Variants in MYO18B observed in about 807,000 individuals in gnomAD.
MYO18B encodes the protein myosin XVIIIB.
In MYO18B, 204 loss-of-function variants were observed where a neutral mutation model predicts 273.0. The ratio of observed to expected loss-of-function variants is 0.75; its 90% CI spans 0.67 to 0.84. The LOEUF is 0.84. MYO18B is among the 40% of genes least tolerant of loss of function. The probability of loss-of-function intolerance (pLI) is 0.00; values close to 1 mark genes in which losing one functional copy is unlikely to be tolerated. For synonymous variants in MYO18B, 1,330 were observed against 1,305.7 expected, an observed-to-expected ratio of 1.02 and a Z score of -0.40; for missense variants, 3,212 against 3,287.6, an observed-to-expected ratio of 0.98 and a Z score of 0.56.
chr22:26,015,433 A>G (rs1021137812), intron 42 of MYO18B, among the ~76,000 whole-genome samples: 2 of 152,266 alleles, frequency 1.3e-5, no homozygotes, highest in Admixed American at 6.5e-5. Flanking sequence ...GGATAAAGAA[A>G]ATGTGGTACA....
At chr22:25,809,218 C>T (rs2088622708) in intron 12 of MYO18B, among the ~76,000 whole-genome samples, 1 of 152,170 alleles carries the variant, frequency 6.6e-6, no homozygotes, top group South Asian at 2.1e-4. Flanking sequence ...GCTGGGATTA[C>T]AGGAGTGAGC....
At chr22:25,855,892 T>C (rs1168361312) in intron 21 of MYO18B, among the ~76,000 whole-genome samples, 2 of 151,836 alleles carry the variant, frequency 1.3e-5, no homozygotes, top group Admixed American at 1.3e-4. Flanking sequence ...ATTATCTAGG[T>C]AAATTTCATG....
intron 8 of MYO18B, among the ~76,000 whole-genome samples, chr22:25,778,735 A>T (rs978468059): frequency 1.3e-5 from 2 of 150,194 alleles, no homozygotes; most frequent in Non-Finnish European, 3.0e-5. Flanking sequence ...CAAGTGATCC[A>T]CCCACCTTGG....
intron 38 of MYO18B, among the ~76,000 whole-genome samples, chr22:25,953,381 T>A (rs1402623485): frequency 6.6e-6 from 1 of 152,202 alleles, no homozygotes; most frequent in Non-Finnish European, 1.5e-5. Context: ...GATGGACACC[T>A]GACCTTCACT....
chr22:25,827,029 T>A (rs1247245390), intron 14 of MYO18B, among the ~76,000 whole-genome samples: 2 of 152,162 alleles, frequency 1.3e-5, no homozygotes, highest in Non-Finnish European at 2.9e-5. Context: ...GCCACCACAC[T>A]CTAGCCTGGG....
chr22:26,047,615 ACCAGT>A, the MYO18B span, among the ~76,000 whole-genome samples: 14 of 152,198 alleles, frequency 9.2e-5, no homozygotes, highest in Non-Finnish European at 1.9e-4. Flanking sequence ...GTTTCAAGTG[ACCAGT>A]CCAAACAGAT....
At chr22:25,820,280 C>G (rs915170410) in intron 12 of MYO18B, among the ~76,000 whole-genome samples, 2 of 151,802 alleles carry the variant, frequency 1.3e-5, no homozygotes, top group Admixed American at 6.6e-5. Flanking sequence ...TGTCAGTAAG[C>G]AATATCTATT....
intron 12 of MYO18B, among the ~76,000 whole-genome samples, chr22:25,802,831 C>T (rs2088277077): frequency 6.6e-6 from 1 of 151,542 alleles, no homozygotes; most frequent in Non-Finnish European, 1.5e-5. Flanking sequence ...GCAATGCTTT[C>T]CCCCAGCCAT....
intron 1 of MYO18B, among the ~76,000 whole-genome samples, chr22:25,759,539 G>C (rs928586272): frequency 3.9e-5 from 6 of 152,180 alleles, no homozygotes; most frequent in Admixed American, 2.0e-4. Context: ...GACTAGGGGA[G>C]GGAGAGCATT....
At chr22:25,903,581 G>A (rs368000141) in intron 30 of MYO18B, 50 bp from the exon 31 acceptor site, 24 of 1,530,824 alleles carry the variant, frequency 1.6e-5, no homozygotes, top group Non-Finnish European at 2.0e-5. Context: ...TGGGGGAGGA[G>A]GGAGGCATAC....
chr22:25,809,411 T>C (rs2088632277), intron 12 of MYO18B, among the ~76,000 whole-genome samples: 1 of 152,214 alleles, frequency 6.6e-6, no homozygotes, highest in Non-Finnish European at 1.5e-5. Context: ...AATGCTTGTC[T>C]TGATGGGGGC....
At chr22:25,908,229 A>G in intron 31 of MYO18B, 93 bp from the exon 32 acceptor site, 2 of 1,001,828 alleles carry the variant, frequency 2.0e-6, no homozygotes, top group Non-Finnish European at 3.1e-6. Flanking sequence ...TATTCCAAAA[A>G]TGAGAAATGC....
rs773143559 is a variant in MYO18B, at chr22:25,903,653, A to G, written c.4970A>G (p.Gln1657Arg). The change falls in exon 31 of 44, where the codon CAG becomes CGG. Residue 1657 changes from glutamine (Q) to arginine (R), a missense_variant. Transcript: ENST00000335473. ...QLKQKEQEAS[Q>R]LKQQVEMLQD... ...TAGCAAAAGGAGCAGGAAGCCTCAC[A>G]GCTGAAGCAGCAGGTGGAGATGCTA... 7 of 1,607,764 alleles carry G rather than the reference A, an allele frequency of 4.4e-6. No individual in the cohort carries two copies. In the Admixed American group the frequency reaches 6.8e-5, roughly 16 times the overall value.
intron 34 of MYO18B, among the ~76,000 whole-genome samples, chr22:25,926,981 A>G (rs2092430442): frequency 6.6e-6 from 1 of 152,208 alleles, no homozygotes; most frequent in Admixed American, 6.5e-5. Context: ...TTTCATGGAC[A>G]CTTAACACTT....
At chr22:25,884,074 A>G (rs1220861659) in intron 25 of MYO18B, among the ~76,000 whole-genome samples, 1 of 152,134 alleles carries the variant, frequency 6.6e-6, no homozygotes, top group Non-Finnish European at 1.5e-5. Flanking sequence ...TTATGGCAAA[A>G]GACAGGCCCA....
At chr22:25,797,920 C>A (rs2087995445) in intron 11 of MYO18B, 33 bp from the exon 12 acceptor site, 1 of 1,613,830 alleles carries the variant, frequency 6.2e-7, no homozygotes, top group African/African-American at 1.3e-5. Flanking sequence ...ATCGCGATGG[C>A]CTTGTTTTCT....
intron 34 of MYO18B, among the ~76,000 whole-genome samples, chr22:25,934,664 G>A (rs113621819): frequency 0.013 from 2,054 of 152,216 alleles, 44 homozygotes; most frequent in African/African-American, 0.048. Flanking sequence ...AGGCAGGGAC[G>A]GCTCAAAGCT....
intron 7 of MYO18B, among the ~76,000 whole-genome samples, chr22:25,772,754 G>T (rs554676174): frequency 2.0e-5 from 3 of 152,334 alleles, no homozygotes; most frequent in Non-Finnish European, 4.4e-5. Flanking sequence ...CAAGAGTAAC[G>T]AAAGAAAATA....
At chr22:25,772,241 G>T (rs2145607843) in intron 6 of MYO18B, 93 bp from the exon 7 acceptor site, 5 of 1,185,502 alleles carry the variant, frequency 4.2e-6, no homozygotes, top group Non-Finnish European at 5.8e-6. Flanking sequence ...CAAGAGGAGG[G>T]CTTAGTGTGT....
Sources: gnomAD v4.1 joint callset for allele counts (sites outside exome capture counted in the v4.1 genomes callset) on GRCh38, gnomAD v4.1.1 for gene constraint, MANE v1.5 for transcripts, NCBI Gene and HGNC (gene_info 2026-07-23, HGNC 2026-07-21) for gene names.